SPECC1: variants seen among roughly 807,000 people sequenced by gnomAD.
The protein encoded by SPECC1 is cytospin-B.
Under a neutral mutation model 104.1 loss-of-function variants are expected in SPECC1, and 62 were observed. The ratio of observed to expected loss-of-function variants is 0.60; its 90% CI spans 0.49 to 0.74. The LOEUF (loss-of-function observed/expected upper bound fraction) is 0.74, where lower values mean the gene tolerates loss of function less well. Ranked by LOEUF, SPECC1 falls within the 30% of genes least tolerant of loss-of-function variation. SPECC1 has a pLI of 0.00. For synonymous variants in SPECC1, 513 were observed against 501.6 expected (o/e 1.02, Z -0.30); for missense variants, 1,306 against 1,310.5 (o/e 1.00, Z 0.05).
At chr17:20,104,739 TCAAAAAAA>T (rs1567845590) in intron 2 of SPECC1, among the ~76,000 whole-genome samples, 1 of 38,406 alleles carries the variant, frequency 2.6e-5, no homozygotes, top group Non-Finnish European at 4.5e-5. Context: ...TGAGACTGTC[TCAAAAAAA>T]AAAAAAAAAA....
intron 4 of SPECC1, among the ~76,000 whole-genome samples, chr17:20,215,234 T>C (rs1455734237): frequency 6.6e-6 from 1 of 152,206 alleles, no homozygotes; most frequent in Non-Finnish European, 1.5e-5. Context: ...ATGCTGAGGT[T>C]TGTGAGGAGC....
At chr17:20,220,145 C>T (rs1404339637) in intron 4 of SPECC1, among the ~76,000 whole-genome samples, 1 of 151,978 alleles carries the variant, frequency 6.6e-6, no homozygotes, top group Non-Finnish European at 1.5e-5. Context: ...CTCAGGATGG[C>T]TTTGGCTATT....
chr17:20,089,293 C>A (rs942478461), intron 1 of SPECC1, among the ~76,000 whole-genome samples: 6 of 152,062 alleles, frequency 3.9e-5, no homozygotes, highest in African/African-American at 1.2e-4. Context: ...AACATGGTGC[C>A]AGTCTCTTAG....
chr17:20,242,112 A>G (rs1232362804), intron 7 of SPECC1, among the ~76,000 whole-genome samples: 2 of 152,242 alleles, frequency 1.3e-5, no homozygotes, highest in Admixed American at 1.3e-4. Flanking sequence ...ATACAACACT[A>G]CCCAAATGGA....
chr17:20,078,397 A>G (rs1387742793), intron 1 of SPECC1, among the ~76,000 whole-genome samples: 5 of 152,112 alleles, frequency 3.3e-5, no homozygotes, highest in Non-Finnish European at 7.4e-5. Context: ...AATTCCTAGA[A>G]AAAGGAATAT....
At position 20,104,740 on chromosome 17, in the gene SPECC1, CAAAAAAAAAAAAAA is replaced by C. The variant is rs745893309; in HGVS notation, c.148-5674_148-5661del. On this transcript the variant is annotated intron_variant, in intron 2 of 14. Coordinates refer to ENST00000395527, the MANE Select transcript of SPECC1 (RefSeq NM_001243439.2). ...CTTGGGTGAAAGAGTGAGACTGTCT[CAAAAAAAAAAAAAA>C]AAAAAAAAAAAAGAAAAAAAAATTC... is the stretch of plus-strand genomic sequence containing the variant. 2.8e-3 allele frequency among the ~76,000 whole-genome samples: 160 copies of C among 57,248 alleles called. 1 individual carries two copies. Among genetic ancestry groups the C allele is most frequent in the African/African-American group, 0.01 (145 of 14,466 alleles). The allele number at this position is 57,248 out of a possible 152,430, so 37.6% of individuals were successfully genotyped here.
At chr17:20,311,373 A>ATTTTT (rs749854561) in intron 14 of SPECC1, among the ~76,000 whole-genome samples, 4 of 146,286 alleles carry the variant, frequency 2.7e-5, no homozygotes, top group African/African-American at 1.0e-4. Context: ...CTTCCAGTAC[A>ATTTTT]TTTTTTTTTT....
At chr17:20,263,255 G>A (rs1231975418) in intron 12 of SPECC1, among the ~76,000 whole-genome samples, 1 of 149,258 alleles carries the variant, frequency 6.7e-6, no homozygotes, top group Non-Finnish European at 1.5e-5. Flanking sequence ...TGTGTCCTTG[G>A]CAGCGTGACT....
chr17:20,024,018 A>G (rs2060622973), intron 1 of SPECC1, among the ~76,000 whole-genome samples: 1 of 152,252 alleles, frequency 6.6e-6, no homozygotes, highest in Middle Eastern at 3.2e-3. Flanking sequence ...GCAGAATATT[A>G]AAAGAGCAAT....
chr17:20,033,927 T>C (rs1363733406), intron 1 of SPECC1, among the ~76,000 whole-genome samples: 1 of 152,164 alleles, frequency 6.6e-6, no homozygotes, highest in Non-Finnish European at 1.5e-5. Context: ...GTGATATTGA[T>C]AGGGCTCTCT....
At chr17:20,309,371 A>G (rs755514658) in intron 14 of SPECC1, among the ~76,000 whole-genome samples, 6 of 152,196 alleles carry the variant, frequency 3.9e-5, no homozygotes, top group Admixed American at 6.5e-5. Flanking sequence ...TCTGGGGTAT[A>G]ACATATTAGG....
chr17:20,050,160 A>G (rs115286928), intron 1 of SPECC1, among the ~76,000 whole-genome samples: 11,212 of 152,252 alleles, frequency 0.074, 559 homozygotes, highest in African/African-American at 0.14. Flanking sequence ...CCAACATGGC[A>G]CATGTATACC....
chr17:20,188,890 G>A (rs940471169), intron 3 of SPECC1, among the ~76,000 whole-genome samples: 5 of 152,080 alleles, frequency 3.3e-5, no homozygotes, highest in Admixed American at 1.3e-4. Flanking sequence ...AAATAAACAG[G>A]ATTTTGCGTG....
chr17:20,040,896 C>T (rs1413535014), intron 1 of SPECC1, among the ~76,000 whole-genome samples: 1 of 152,034 alleles, frequency 6.6e-6, no homozygotes, highest in East Asian at 1.9e-4. Context: ...TTTTTGAATA[C>T]GTTTCCAGCT....
chr17:20,221,132 A>G (rs1057237228), intron 4 of SPECC1, among the ~76,000 whole-genome samples: 1 of 151,766 alleles, frequency 6.6e-6, no homozygotes, highest in East Asian at 1.9e-4. Flanking sequence ...TCTTTTTTTC[A>G]TGTATCTTTC....
chr17:20,056,547 G>T (rs1426149205), intron 1 of SPECC1: 1 of 215,120 alleles, frequency 4.6e-6, no homozygotes. Context: ...ATCAATACAG[G>T]AGACCCTGGG....
At chr17:20,103,195 G>A (rs1048457643) in intron 2 of SPECC1, among the ~76,000 whole-genome samples, 5 of 152,148 alleles carry the variant, frequency 3.3e-5, no homozygotes, top group African/African-American at 1.2e-4. Context: ...CTTCAGCCTG[G>A]TGTTGCTGTG....
At position 20,227,607 on chromosome 17, in the gene SPECC1, C is replaced by T. The variant is rs2038303994; in HGVS notation, c.2058C>T (p.Ile686=). Residue 686 remains isoleucine (I), a synonymous_variant, in exon 5 of 15, where the codon ATC becomes ATT. Transcript: ENST00000395527. Reference sequence around the variant, plus strand: ...TCAAGTTACACAATAATCAACTCATCAGTGAGCTAGAAAGTAAGTGGGGTC... The same window carrying T: ...TCAAGTTACACAATAATCAACTCATTAGTGAGCTAGAAAGTAAGTGGGGTC... ...RAVKLHNNQL[I]SELESSVIKL... is the part of the protein sequence containing the mutation. The T allele has an allele frequency of 2.5e-6, 4 of 1,611,426 alleles. No homozygotes were observed. The highest frequency in any genetic ancestry group is 3.4e-5 in the Admixed American group (2 of 59,012).
At chr17:20,242,523 T>G (rs1030637769) in intron 7 of SPECC1, among the ~76,000 whole-genome samples, 1 of 152,242 alleles carries the variant, frequency 6.6e-6, no homozygotes, top group Non-Finnish European at 1.5e-5. Flanking sequence ...CCTGCAACTG[T>G]TGTTCTCTAG....
Sources: gnomAD v4.1 joint callset for allele counts (sites outside exome capture counted in the v4.1 genomes callset) on GRCh38, gnomAD v4.1.1 for gene constraint, MANE v1.5 for transcripts, NCBI Gene and HGNC (gene_info 2026-07-23, HGNC 2026-07-21) for gene names.